The following GALNT13 variants were observed in gnomAD, a reference collection of about 807,000 sequenced individuals.
GALNT13 encodes the protein UDP-GalNAc:polypeptide N-acetylgalactosaminyltransferase 13.
In GALNT13, 28 loss-of-function variants were observed where a neutral mutation model predicts 64.2. The observed-to-expected ratio is 0.44, with a 90% CI of 0.32 to 0.60. The LOEUF (loss-of-function observed/expected upper bound fraction) is 0.60, where lower values mean the gene tolerates loss of function less well. Among genes scored for constraint, GALNT13 ranks in the 20% least tolerant of loss-of-function variants. The pLI is 0.05. For missense variants in GALNT13, 577 were observed against 669.8 expected, an observed-to-expected ratio of 0.86 and a Z score of 1.53; for synonymous variants, 214 against 224.6, an observed-to-expected ratio of 0.95 and a Z score of 0.42.
At chr2:153,465,512 T>A in the GALNT13 span, among the ~76,000 whole-genome samples, 9 of 151,576 alleles carry the variant, frequency 5.9e-5, no homozygotes, top group African/African-American at 1.7e-4. Flanking sequence ...AAGAATGATT[T>A]ATCCATTATC....
At chr2:153,315,323 G>T in the GALNT13 span, among the ~76,000 whole-genome samples, 1 of 152,280 alleles carries the variant, frequency 6.6e-6, no homozygotes, top group East Asian at 1.9e-4. Context: ...TTCAGAGATG[G>T]TGACTTCTCA....
the GALNT13 span, among the ~76,000 whole-genome samples, chr2:153,505,363 T>A: frequency 6.6e-6 from 1 of 152,166 alleles, no homozygotes; most frequent in Non-Finnish European, 1.5e-5. Flanking sequence ...TCTTGTTGTT[T>A]CAGTTTCATT....
chr2:153,336,934 C>T, the GALNT13 span, among the ~76,000 whole-genome samples: 1 of 152,160 alleles, frequency 6.6e-6, no homozygotes, highest in African/African-American at 2.4e-5. Context: ...AATTAAGTCT[C>T]ATGAGATCTG....
chr2:154,418,131 C>T (rs1231448306), intron 11 of GALNT13, among the ~76,000 whole-genome samples: 3 of 151,988 alleles, frequency 2.0e-5, no homozygotes, highest in African/African-American at 2.4e-5. Context: ...AAAGAATGAA[C>T]AAGTAAACAA....
At chr2:154,302,526 T>C (rs1329214849) in intron 9 of GALNT13, among the ~76,000 whole-genome samples, 2 of 152,212 alleles carry the variant, frequency 1.3e-5, no homozygotes, top group South Asian at 2.1e-4. Flanking sequence ...TATATTTAAG[T>C]GTCAATGAAA....
chr2:153,181,125 C>G, the GALNT13 span, among the ~76,000 whole-genome samples: 2 of 124,976 alleles, frequency 1.6e-5, no homozygotes, highest in African/African-American at 3.1e-5. Context: ...ACTTTTTCCT[C>G]TTTTGATGTA....
chr2:154,218,148 T>A (rs1162742684), intron 4 of GALNT13, among the ~76,000 whole-genome samples: 2 of 152,106 alleles, frequency 1.3e-5, no homozygotes, highest in Non-Finnish European at 2.9e-5. Flanking sequence ...TGTAGTTAAG[T>A]GAACCCAGAG....
chr2:154,211,092 T>C (rs58460162), intron 4 of GALNT13, among the ~76,000 whole-genome samples: 7,399 of 152,158 alleles, frequency 0.049, 228 homozygotes, highest in Non-Finnish European at 0.059. Flanking sequence ...TATATAGAAA[T>C]GTGTGAGTTT....
chr2:154,176,138 A>G (rs1412959281), intron 4 of GALNT13, among the ~76,000 whole-genome samples: 1 of 152,090 alleles, frequency 6.6e-6, no homozygotes, highest in African/African-American at 2.4e-5. Context: ...AACATAACCC[A>G]TTTTGTACTA....
the GALNT13 span, among the ~76,000 whole-genome samples, chr2:153,302,514 G>A: frequency 6.6e-6 from 1 of 151,920 alleles, no homozygotes; most frequent in Non-Finnish European, 1.5e-5. Flanking sequence ...CATTCCGTAA[G>A]TTGTCGTCTC....
the GALNT13 span, among the ~76,000 whole-genome samples, chr2:153,659,391 A>G: frequency 6.6e-6 from 1 of 152,120 alleles, no homozygotes; most frequent in South Asian, 2.1e-4. Context: ...ATCATGGTAG[A>G]TGCTACAGAT....
At chr2:153,887,768 G>T (rs939769973) in intron 1 of GALNT13, among the ~76,000 whole-genome samples, 1 of 151,902 alleles carries the variant, frequency 6.6e-6, no homozygotes, top group Non-Finnish European at 1.5e-5. Context: ...TATTTGATCT[G>T]CTTTGACTAT....
chr2:154,019,344 T>G (rs2105271160), intron 3 of GALNT13, among the ~76,000 whole-genome samples: 1 of 152,192 alleles, frequency 6.6e-6, no homozygotes, highest in East Asian at 1.9e-4. Context: ...ATTTGAAAAA[T>G]ACATACATGG....
the GALNT13 span, among the ~76,000 whole-genome samples, chr2:153,866,227 G>C: frequency 7.1e-6 from 1 of 140,386 alleles, no homozygotes; most frequent in African/African-American, 2.6e-5. Context: ...CGAGTTAGTG[G>C]GTGCAGCGCA....
At chr2:154,296,342 A>G (rs565737945) in intron 8 of GALNT13, among the ~76,000 whole-genome samples, 1 of 152,268 alleles carries the variant, frequency 6.6e-6, no homozygotes, top group South Asian at 2.1e-4. Flanking sequence ...TCTCTGCTCT[A>G]AAGGCAGCAC....
the GALNT13 span, among the ~76,000 whole-genome samples, chr2:153,183,982 A>T: frequency 2.2e-4 from 34 of 152,250 alleles, no homozygotes; most frequent in Non-Finnish European, 4.9e-4. Flanking sequence ...ATGAATTTTA[A>T]AATAGTTTTT....
chr2:153,251,069 T>C, the GALNT13 span, among the ~76,000 whole-genome samples: 126,408 of 152,064 alleles, frequency 0.83, 53,787 homozygotes, highest in African/African-American at 0.93. Flanking sequence ...TTTTTATTAC[T>C]CAATCTTTTA....
the GALNT13 span, among the ~76,000 whole-genome samples, chr2:153,679,081 G>T: frequency 6.6e-6 from 1 of 151,922 alleles, no homozygotes. Context: ...ACAAGCATGA[G>T]TACTAGCTAG....
chr2:153,768,499 A>G, the GALNT13 span, among the ~76,000 whole-genome samples: 5 of 152,190 alleles, frequency 3.3e-5, no homozygotes, highest in African/African-American at 1.2e-4. Flanking sequence ...CATATTTACA[A>G]TAGTTAAATC....
Sources: allele counts gnomAD v4.1 joint callset (sites outside exome capture counted in the v4.1 genomes callset), GRCh38; gene constraint gnomAD v4.1.1; transcripts MANE v1.5; gene names NCBI Gene and HGNC (gene_info 2026-07-23, HGNC 2026-07-21).